GALNT14: variants seen among roughly 807,000 people sequenced by gnomAD.
GALNT14 encodes the protein UDP-GalNAc:polypeptide N-acetylgalactosaminyltransferase 14.
Under a neutral mutation model 77.5 loss-of-function variants are expected in GALNT14, and 60 were observed. The ratio of observed to expected loss-of-function variants is 0.77; its 90% confidence interval spans 0.63 to 0.96. GALNT14 has a LOEUF of 0.96. Ranked by LOEUF, GALNT14 falls within the 40% of genes least tolerant of loss-of-function variation. GALNT14 has a pLI of 0.00. For synonymous variants in GALNT14, 280 were observed against 281.7 expected (o/e 0.99, Z 0.06); for missense variants, 710 against 731.0 (o/e 0.97, Z 0.33).
intron 1 of GALNT14, among the ~76,000 whole-genome samples, chr2:31,042,729 T>C (rs2148502727): frequency 6.6e-6 from 1 of 152,310 alleles, no homozygotes; most frequent in South Asian, 2.1e-4. Flanking sequence ...GCATATCCAG[T>C]ATCTGACTCT....
intron 1 of GALNT14, among the ~76,000 whole-genome samples, chr2:31,046,977 CG>C (rs1673507149): frequency 6.6e-6 from 1 of 152,184 alleles, no homozygotes; most frequent in Admixed American, 6.5e-5. Flanking sequence ...ACTAAAGTTC[CG>C]GGCAGTTGAA....
At position 30,944,849 on chromosome 2, in the gene GALNT14, C is replaced by G. The variant is rs1666590705; in HGVS notation, c.827+9G>C. 6.3e-7 allele frequency: 1 copy of G among 1,596,300 alleles called. No individual in the cohort carries two copies. The highest frequency in any genetic ancestry group is 1.3e-5 in the African/African-American group (1 of 74,752). ...TCTGCCCACCCCTGCACAGACTCTTCCCACTTACCTGATGGGCTCCGTGGG... is the reference window on the plus strand; with the variant it reads ...TCTGCCCACCCCTGCACAGACTCTTGCCACTTACCTGATGGGCTCCGTGGG... On this transcript the variant is annotated intron_variant, in intron 8 of 14. Coordinates refer to ENST00000349752, the MANE Select transcript of GALNT14 (RefSeq NM_024572.4).
intron 1 of GALNT14, among the ~76,000 whole-genome samples, chr2:31,135,423 G>GTC (rs1365935011): frequency 6.6e-6 from 1 of 152,092 alleles, no homozygotes; most frequent in African/African-American, 2.4e-5. Context: ...TACCTAAGGA[G>GTC]TCTCTGTCTT....
downstream of GALNT14, among the ~76,000 whole-genome samples, chr2:30,909,822 A>G (rs1031036479): frequency 1.3e-5 from 2 of 151,942 alleles, no homozygotes; most frequent in African/African-American, 4.8e-5. Flanking sequence ...AATGTCCAAC[A>G]ATGATAGACT....
chr2:30,949,066 T>C (rs1360448217), intron 6 of GALNT14, among the ~76,000 whole-genome samples: 1 of 151,960 alleles, frequency 6.6e-6, no homozygotes, highest in Non-Finnish European at 1.5e-5. Context: ...GCCAGATAGG[T>C]AGTGAGGGAT....
intron 6 of GALNT14, among the ~76,000 whole-genome samples, chr2:30,948,343 A>T (rs889898): frequency 6.6e-6 from 1 of 151,982 alleles, no homozygotes; most frequent in Non-Finnish European, 1.5e-5. Flanking sequence ...AACCCCTTGG[A>T]ATGTCCTGCC....
chr2:30,960,327 C>T (rs566199272), intron 3 of GALNT14, among the ~76,000 whole-genome samples: 18 of 152,182 alleles, frequency 1.2e-4, no homozygotes, highest in Admixed American at 4.6e-4. Context: ...GGTTTGATTA[C>T]GGCTGTAGCT....
At chr2:31,040,040 T>C (rs557443764) in intron 1 of GALNT14, among the ~76,000 whole-genome samples, 3 of 152,278 alleles carry the variant, frequency 2.0e-5, no homozygotes, top group Admixed American at 1.3e-4. Flanking sequence ...ATAACAAATA[T>C]AGTTAATGGA....
intron 2 of GALNT14, among the ~76,000 whole-genome samples, chr2:30,970,740 C>G (rs1230232214): frequency 6.6e-6 from 1 of 152,108 alleles, no homozygotes; most frequent in African/African-American, 2.4e-5. Context: ...ATGAGCTCCT[C>G]CAGCACAGGC....
At chr2:31,067,350 G>A (rs986377715) in intron 1 of GALNT14, among the ~76,000 whole-genome samples, 3 of 152,090 alleles carry the variant, frequency 2.0e-5, no homozygotes, top group Admixed American at 6.5e-5. Flanking sequence ...AGTGCCCCTC[G>A]TTACCCTAGA....
intron 8 of GALNT14, 106 bp from the exon 9 acceptor site, chr2:30,942,410 G>T (rs1666430814): frequency 1.3e-6 from 1 of 779,808 alleles, no homozygotes; most frequent in Non-Finnish European, 2.1e-6. Flanking sequence ...TTTGGGGAAA[G>T]AAAACCCCAT....
At chr2:31,023,346 C>G (rs1671844534) in intron 1 of GALNT14, among the ~76,000 whole-genome samples, 1 of 152,134 alleles carries the variant, frequency 6.6e-6, no homozygotes, top group South Asian at 2.1e-4. Context: ...CTCACCTCCT[C>G]TCACCTCTTC....
chr2:31,082,312 G>C (rs1324508576), intron 1 of GALNT14, among the ~76,000 whole-genome samples: 1 of 152,226 alleles, frequency 6.6e-6, no homozygotes, highest in Non-Finnish European at 1.5e-5. Flanking sequence ...AGACAGAAAG[G>C]CCAAGTCTCC....
chr2:31,019,415 C>T (rs548188585), intron 1 of GALNT14, among the ~76,000 whole-genome samples: 1 of 152,230 alleles, frequency 6.6e-6, no homozygotes, highest in East Asian at 1.9e-4. Flanking sequence ...ACTCACCTGC[C>T]CCAGCCACAC....
intron 1 of GALNT14, chr2:31,129,153 G>T (rs930037738): frequency 6.5e-6 from 1 of 153,916 alleles, no homozygotes. Flanking sequence ...AACAGCATAT[G>T]CGTGACAGTC....
chr2:31,136,416 C>T (rs542855094), intron 1 of GALNT14, among the ~76,000 whole-genome samples: 61 of 152,272 alleles, frequency 4.0e-4, no homozygotes, highest in African/African-American at 1.4e-3. Flanking sequence ...CTTCTCAGCT[C>T]AGCTCTGTTA....
In GALNT14 at chr2:31,130,156, A is replaced by G. The variant is rs898900590; in HGVS notation, c.129+7802T>C. Among the ~76,000 whole-genome samples the G allele has an allele frequency of 3.1e-4, 47 of 152,216 alleles. 1 individual carries two copies. The highest frequency in any genetic ancestry group is 2.9e-5 in the Non-Finnish European group (2 of 68,042). ...AAGTGCCTCATCTTGTCTCCAGGAA[A>G]TGGCACGCAGAAAAGGCTTTGTACT... On this transcript the variant is annotated intron_variant, in intron 1 of 14. Coordinates refer to ENST00000349752, the MANE Select transcript of GALNT14 (RefSeq NM_024572.4).
intron 3 of GALNT14, among the ~76,000 whole-genome samples, chr2:30,959,770 G>A (rs561154795): frequency 6.6e-6 from 1 of 152,116 alleles, no homozygotes; most frequent in African/African-American, 2.4e-5. Context: ...CTATCCAGGG[G>A]CAAGGTTAAC....
the GALNT14 span, among the ~76,000 whole-genome samples, chr2:30,888,038 T>G: frequency 6.6e-6 from 1 of 152,174 alleles, no homozygotes; most frequent in Non-Finnish European, 1.5e-5. Context: ...GTCTGGGACA[T>G]CCTTTTACCC....
Sources: gnomAD v4.1 joint callset for allele counts (sites outside exome capture counted in the v4.1 genomes callset) on GRCh38, gnomAD v4.1.1 for gene constraint, MANE v1.5 for transcripts, NCBI Gene and HGNC (gene_info 2026-07-23, HGNC 2026-07-21) for gene names.